The following PFKFB3 variants were observed in gnomAD, a reference collection of about 807,000 sequenced individuals.
PFKFB3 encodes the protein 6-phosphofructo-2-kinase/fructose-2,6-bisphosphatase 3.
PFKFB3 carries 33 observed loss-of-function variants against 68.0 expected under a neutral mutation model. The observed-to-expected ratio is 0.49, with a 90% CI of 0.37 to 0.65. The LOEUF (loss-of-function observed/expected upper bound fraction) is 0.65. Among genes scored for constraint, PFKFB3 ranks in the 30% least tolerant of loss-of-function variants. The pLI is 0.00. For synonymous variants in PFKFB3, 315 were observed against 288.2 expected (o/e 1.09, Z -0.94); for missense variants, 586 against 712.2 (o/e 0.82, Z 2.02).
At chr10:6,321,473 TC>T in the PFKFB3 span, among the ~76,000 whole-genome samples, 2 of 152,156 alleles carry the variant, frequency 1.3e-5, no homozygotes, top group African/African-American at 2.4e-5. Flanking sequence ...TTTTTAAACT[TC>T]CCCCTCCAGT....
rs371231091 is a variant in PFKFB3, at chr10:6,228,117, G to A, written c.1515+1752G>A. 6.6e-5 allele frequency: 101 copies of A among 1,525,614 alleles called. 1 individual carries two copies. In the South Asian group the frequency reaches 8.4e-4, roughly 13 times the overall value. The allele number at this position is 1,525,614 out of a possible 1,614,324, so 94.5% of individuals were successfully genotyped here. A position where few individuals can be genotyped will look rare whatever the true frequency, so the allele number is the denominator to read the frequency against. On this transcript the variant is annotated intron_variant, in intron 14 of 14. Coordinates refer to ENST00000379775, the MANE Select transcript of PFKFB3 (RefSeq NM_004566.4). The surrounding 1 kb of genome is among the most constrained non-coding windows in gnomAD (Gnocchi z 4.5). Reference sequence around the variant, plus strand: ...GTCTGAAGCTGCTGGCTGGGCCGGCGTGGGGTTTTTCAGGGCTTCGTCCCT... The same window carrying A: ...GTCTGAAGCTGCTGGCTGGGCCGGCATGGGGTTTTTCAGGGCTTCGTCCCT...
rs553348088 is a variant in PFKFB3, at chr10:6,228,400, C to T, written c.1515+2035C>T. On this transcript the variant is annotated intron_variant, in intron 14 of 14. Coordinates refer to ENST00000379775, the MANE Select transcript of PFKFB3 (RefSeq NM_004566.4). This position sits in a 1 kb window ranked among gnomAD's most constrained non-coding sequence, Gnocchi z 4.5. ...AGATTCCTGAATGTTTTTGGAAAAGCGTGCAGGCGGTCATGGTGGCTGCAC... is the reference window on the plus strand; with the variant it reads ...AGATTCCTGAATGTTTTTGGAAAAGTGTGCAGGCGGTCATGGTGGCTGCAC... 68 of 695,048 alleles carry T rather than the reference C, an allele frequency of 9.8e-5. No homozygotes were observed. The highest frequency in any genetic ancestry group is 3.2e-4 in the Admixed American group (15 of 47,500). 43.1% of individuals were successfully genotyped at this position (695,048 alleles called of 1,614,324 possible).
downstream of PFKFB3, among the ~76,000 whole-genome samples, chr10:6,256,824 G>C (rs192199874): frequency 2.6e-4 from 40 of 152,292 alleles, no homozygotes; most frequent in African/African-American, 9.1e-4. Flanking sequence ...TTGCTGTGGT[G>C]GGTTCTGGGC....
the PFKFB3 span, chr10:6,293,720 G>A: frequency 2.4e-4 from 78 of 326,240 alleles, no homozygotes; most frequent in Admixed American, 4.4e-4. Context: ...CATTCAAAGG[G>A]CCTGTCATGA....
At chr10:6,277,123 C>T in the PFKFB3 span, among the ~76,000 whole-genome samples, 3 of 152,248 alleles carry the variant, frequency 2.0e-5, no homozygotes, top group East Asian at 5.8e-4. Flanking sequence ...TGTCCCCGCC[C>T]AGATCTCATG....
the PFKFB3 span, among the ~76,000 whole-genome samples, chr10:6,313,466 T>G: frequency 6.6e-6 from 1 of 152,224 alleles, no homozygotes; most frequent in Non-Finnish European, 1.5e-5. The surrounding 1 kb of genome is among the most constrained non-coding windows in gnomAD (Gnocchi z 4.2). Flanking sequence ...CCTGCCGAGC[T>G]GCTGTTCCTT....
intron 14 of PFKFB3, among the ~76,000 whole-genome samples, chr10:6,232,382 C>T (rs1269765558): frequency 1.3e-5 from 2 of 152,108 alleles, no homozygotes; most frequent in African/African-American, 2.4e-5. Context: ...TGGGCCTCCC[C>T]ACCACGTCCA....
Position 6,229,022 on chromosome 10 carries a change from G to A in PFKFB3, c.1515+2657G>A. The A allele has an allele frequency of 2.1e-6, 1 of 469,794 alleles. No individual in the cohort carries two copies. Among genetic ancestry groups the A allele is most frequent in the Admixed American group, 2.3e-5 (1 of 42,582 alleles). The allele number at this position is 469,794 out of a possible 1,614,324, so 29.1% of individuals were successfully genotyped here. A position where few individuals can be genotyped will look rare whatever the true frequency, so the allele number is the denominator to read the frequency against. On this transcript the variant is annotated intron_variant, in intron 14 of 14. Transcript: ENST00000379775. The surrounding 1 kb of genome is among the most constrained non-coding windows in gnomAD (Gnocchi z 4.3). ...CACAGAACTTTAATGACAGCCACATGAAGTGTCATCCCCTTGCCCCCCCAA... is the reference window on the plus strand; with the variant it reads ...CACAGAACTTTAATGACAGCCACATAAAGTGTCATCCCCTTGCCCCCCCAA...
In PFKFB3 at chr10:6,213,613, G is replaced by C. The variant is rs368952880; in HGVS notation, c.77-10G>C. 1.2e-5 allele frequency: 19 copies of C among 1,609,704 alleles called. No homozygotes were observed. The African/African-American group carries it at 2.5e-4, about 22-fold the overall frequency. On this transcript the variant is annotated splice_polypyrimidine_tract_variant and intron_variant, in intron 1 of 14. Transcript: ENST00000379775. ...GGTTGATGACACACCCTTCTTGCTTGTTTTTCCAGCCTGTGGGCCAAAGCT... is the reference window on the plus strand; with the variant it reads ...GGTTGATGACACACCCTTCTTGCTTCTTTTTCCAGCCTGTGGGCCAAAGCT...
At chr10:6,173,073 C>T (rs935266648) in intron 1 of PFKFB3, among the ~76,000 whole-genome samples, 9 of 152,338 alleles carry the variant, frequency 5.9e-5, no homozygotes, top group Admixed American at 2.0e-4. Context: ...CAACCTGGGA[C>T]GTCCACTCTC....
In PFKFB3 at chr10:6,159,269, C is replaced by T. The variant is rs1841899977; in HGVS notation, c.16+14256C>T. 2.0e-5 allele frequency among the ~76,000 whole-genome samples: 3 copies of T among 151,966 alleles called. No individual in the cohort carries two copies. The South Asian group carries it at 6.2e-4, about 32-fold the overall frequency. ...AATTAGCCAGGCGTGGCGGTGGGCA[C>T]CTGTAATCCCAGCTACTTGGGAGGC... On this transcript the variant is annotated intron_variant, in intron 1 of 14. Transcript: ENST00000379789.
intron 1 of PFKFB3, among the ~76,000 whole-genome samples, chr10:6,173,781 G>T (rs536471035): frequency 3.9e-5 from 6 of 152,082 alleles, no homozygotes. Flanking sequence ...AGGACCTTCC[G>T]TGAAGCCTAA....
chr10:6,218,559 G>T (rs572787583), intron 6 of PFKFB3, among the ~76,000 whole-genome samples: 1 of 152,120 alleles, frequency 6.6e-6, no homozygotes, highest in African/African-American at 2.4e-5. Flanking sequence ...CTCCCGAATA[G>T]CTGGGATTAC....
chr10:6,266,949 C>T, the PFKFB3 span, among the ~76,000 whole-genome samples: 5 of 152,102 alleles, frequency 3.3e-5, no homozygotes, highest in Admixed American at 1.3e-4. Context: ...AGATTGTCTG[C>T]GGAATTTGGG....
chr10:6,266,538 A>C, the PFKFB3 span, among the ~76,000 whole-genome samples: 5 of 152,188 alleles, frequency 3.3e-5, no homozygotes, highest in African/African-American at 4.8e-5. Context: ...CAGTGGCCAG[A>C]GTTGGGATAA....
At chr10:6,240,484 C>T (rs943766178), downstream of PFKFB3, among the ~76,000 whole-genome samples, 1 of 152,034 alleles carries the variant, frequency 6.6e-6, no homozygotes, top group Non-Finnish European at 1.5e-5. Context: ...AGGCTGATCT[C>T]GAACTCCAAC....
intron 1 of PFKFB3, among the ~76,000 whole-genome samples, chr10:6,210,582 T>TCCGCCCGCCTTGGCCTCCC (rs1445183165): frequency 1.9e-5 from 1 of 53,018 alleles, no homozygotes; most frequent in Non-Finnish European, 5.6e-5. Context: ...ATAGTCTTGA[T>TCCGCCCGCCTTGGCCTCCC]AGTGTTTTTA....
intron 6 of PFKFB3, 45 bp downstream of exon 6, chr10:6,217,236 C>G (rs1276271315): frequency 8.4e-6 from 13 of 1,547,614 alleles, no homozygotes; most frequent in Non-Finnish European, 1.2e-5. Context: ...GCGTAGACCA[C>G]AAGGGCATTT....
the PFKFB3 span, among the ~76,000 whole-genome samples, chr10:6,316,684 G>T: frequency 2.0e-5 from 3 of 152,068 alleles, no homozygotes; most frequent in African/African-American, 7.2e-5. Context: ...CGCCATGTTG[G>T]CCAGGCTGGT....
Sources: gnomAD v4.1 joint callset for allele counts (sites outside exome capture counted in the v4.1 genomes callset) on GRCh38, gnomAD v4.1.1 for gene constraint, Gnocchi (gnomAD v3.1) non-coding constraint, MANE v1.5 for transcripts, NCBI Gene and HGNC (gene_info 2026-07-23, HGNC 2026-07-21) for gene names.